The following PAK5 variants were observed in gnomAD, a reference collection of about 807,000 sequenced individuals.
PAK5 encodes the protein serine/threonine-protein kinase PAK 5.
PAK5 carries 16 observed loss-of-function variants against 65.9 expected under a neutral mutation model. That is an observed-to-expected ratio of 0.24 (90% CI 0.16 to 0.37). The LOEUF is 0.37. PAK5 is among the 10% of genes least tolerant of loss of function. The pLI is 1.00. For synonymous variants in PAK5, 371 were observed against 354.9 expected (o/e 1.05, Z -0.51); for missense variants, 785 against 903.9 (o/e 0.87, Z 1.69).
chr20:9,643,143 CAT>C (rs2047090730), intron 3 of PAK5, among the ~76,000 whole-genome samples: 1 of 152,154 alleles, frequency 6.6e-6, no homozygotes, highest in South Asian at 2.1e-4. Context: ...CACAGAATAA[CAT>C]ATTCAAATAG....
intron 3 of PAK5, among the ~76,000 whole-genome samples, chr20:9,599,388 A>G (rs1013294932): frequency 2.6e-5 from 4 of 152,208 alleles, no homozygotes; most frequent in African/African-American, 9.6e-5. Flanking sequence ...TGGAGTTGCT[A>G]GAGTTAAGTC....
chr20:9,648,665 C>T (rs549327601), intron 2 of PAK5, among the ~76,000 whole-genome samples: 18 of 152,242 alleles, frequency 1.2e-4, no homozygotes, highest in Non-Finnish European at 2.1e-4. Context: ...TTATTATCAT[C>T]GCCCTTTCAT....
intron 1 of PAK5, among the ~76,000 whole-genome samples, chr20:9,715,376 C>G (rs1345768102): frequency 6.6e-6 from 1 of 151,958 alleles, no homozygotes; most frequent in Non-Finnish European, 1.5e-5. Flanking sequence ...GAATGGCGAT[C>G]ATTAAAAAGT....
At chr20:9,784,089 A>C (rs1402947395) in intron 1 of PAK5, among the ~76,000 whole-genome samples, 1 of 152,210 alleles carries the variant, frequency 6.6e-6, no homozygotes, top group African/African-American at 2.4e-5. Context: ...AATAATCTAC[A>C]ATGATATAAC....
intron 3 of PAK5, among the ~76,000 whole-genome samples, chr20:9,639,601 A>G (rs1206496939): frequency 3.3e-5 from 5 of 152,210 alleles, no homozygotes; most frequent in African/African-American, 1.2e-4. Context: ...TCTATACTTG[A>G]GATGTATCTT....
intron 3 of PAK5, among the ~76,000 whole-genome samples, chr20:9,611,077 T>C (rs2046550735): frequency 6.6e-6 from 1 of 152,236 alleles, no homozygotes. Flanking sequence ...TTTTTATTGT[T>C]GGTAAATTTT....
intron 2 of PAK5, among the ~76,000 whole-genome samples, chr20:9,661,031 T>C (rs993007965): frequency 2.6e-5 from 4 of 152,080 alleles, no homozygotes; most frequent in African/African-American, 7.2e-5. Context: ...GCCATCCATT[T>C]TGACAAAGCT....
intron 1 of PAK5, among the ~76,000 whole-genome samples, chr20:9,712,622 T>C (rs547857350): frequency 1.3e-5 from 2 of 152,270 alleles, no homozygotes; most frequent in Admixed American, 6.5e-5. Context: ...CAGTTTATAC[T>C]ACAAAGCTAT....
intron 3 of PAK5, among the ~76,000 whole-genome samples, chr20:9,623,226 A>G (rs1328500279): frequency 6.6e-6 from 1 of 152,112 alleles, no homozygotes; most frequent in Non-Finnish European, 1.5e-5. Flanking sequence ...TACAGTTAAT[A>G]TTATTGGGGG....
chr20:9,720,219 A>T (rs1261297254), intron 1 of PAK5, among the ~76,000 whole-genome samples: 1 of 152,174 alleles, frequency 6.6e-6, no homozygotes, highest in East Asian at 1.9e-4. Context: ...CCCTGAGCTC[A>T]ATTAGATAGA....
chr20:9,688,818 CA>C (rs2047754822), intron 2 of PAK5, among the ~76,000 whole-genome samples: 1 of 152,068 alleles, frequency 6.6e-6, no homozygotes, highest in Non-Finnish European at 1.5e-5. Context: ...CGGTGACTGG[CA>C]AAAACGTGTG....
intron 4 of PAK5, among the ~76,000 whole-genome samples, chr20:9,573,016 T>C (rs190322296): frequency 9.2e-5 from 14 of 152,232 alleles, no homozygotes; most frequent in South Asian, 8.3e-4. Context: ...GAAAATTGGA[T>C]ACATTTTAAG....
At chr20:9,718,222 T>A (rs989278650) in intron 1 of PAK5, among the ~76,000 whole-genome samples, 4 of 152,046 alleles carry the variant, frequency 2.6e-5, no homozygotes, top group African/African-American at 9.7e-5. Context: ...CTATGGTATA[T>A]AAAACGGAAG....
intron 4 of PAK5, 28 bp downstream of exon 4, chr20:9,580,117 G>T: frequency 6.3e-7 from 1 of 1,574,830 alleles, no homozygotes; most frequent in Non-Finnish European, 8.6e-7. Flanking sequence ...TTTTGCACAC[G>T]TGAGGGAAAG....
At chr20:9,768,080 G>T (rs1301277253) in intron 1 of PAK5, among the ~76,000 whole-genome samples, 1 of 152,088 alleles carries the variant, frequency 6.6e-6, no homozygotes, top group Non-Finnish European at 1.5e-5. Context: ...CACCAAAACT[G>T]AAAACCTATG....
At chr20:9,725,712 G>A (rs1375956476) in intron 1 of PAK5, among the ~76,000 whole-genome samples, 3 of 152,036 alleles carry the variant, frequency 2.0e-5, no homozygotes, top group Admixed American at 6.6e-5. Flanking sequence ...ACACAAACTC[G>A]TCGTAGTCAG....
chr20:9,639,042 T>C (rs2047017280), intron 3 of PAK5, among the ~76,000 whole-genome samples: 1 of 152,228 alleles, frequency 6.6e-6, no homozygotes, highest in Admixed American at 6.5e-5. Flanking sequence ...AAAATGGCTT[T>C]AAACATGCAT....
In PAK5 at chr20:9,644,841, G is replaced by A. The variant is rs113414907; in HGVS notation, c.-11-502C>T. Among the ~76,000 whole-genome samples, 782 of 152,232 alleles carry A rather than the reference G, an allele frequency of 5.1e-3. 5 individuals carry two copies. Among genetic ancestry groups the A allele is most frequent in the African/African-American group, 0.018 (739 of 41,524 alleles). On this transcript the variant is annotated intron_variant, in intron 2 of 9. Coordinates refer to ENST00000353224, the MANE Select transcript of PAK5 (RefSeq NM_177990.4). ...GATATTATTGAGCCACGGCTGACTCGCAAATGAGAAATAAATGTATGTAAT... is the reference window on the plus strand; with the variant it reads ...GATATTATTGAGCCACGGCTGACTCACAAATGAGAAATAAATGTATGTAAT...
intron 3 of PAK5, among the ~76,000 whole-genome samples, chr20:9,602,315 T>C (rs2123111052): frequency 6.6e-6 from 1 of 150,602 alleles, no homozygotes; most frequent in African/African-American, 2.4e-5. Context: ...AATAAATAAA[T>C]AAATAAATAA....
Sources: gnomAD v4.1 joint callset for allele counts (sites outside exome capture counted in the v4.1 genomes callset) on GRCh38, gnomAD v4.1.1 for gene constraint, MANE v1.5 for transcripts, NCBI Gene and HGNC (gene_info 2026-07-23, HGNC 2026-07-21) for gene names.